ACO1: variants seen among roughly 807,000 people sequenced by gnomAD.
ACO1 encodes the protein cytoplasmic aconitate hydratase.
A neutral mutation model predicts 105.1 loss-of-function variants in ACO1; 78 were observed. The observed-to-expected ratio is 0.74, with a 90% CI of 0.62 to 0.90. The LOEUF (loss-of-function observed/expected upper bound fraction) is 0.90. Among genes scored for constraint, ACO1 ranks in the 40% least tolerant of loss-of-function variants. The probability of loss-of-function intolerance (pLI) is 0.00; values close to 1 mark genes in which losing one functional copy is unlikely to be tolerated. For synonymous variants in ACO1, 364 were observed against 397.4 expected (o/e 0.92, Z 1.00); for missense variants, 965 against 1,111.1 (o/e 0.87, Z 1.87).
intron 3 of ACO1, among the ~76,000 whole-genome samples, chr9:32,408,090 A>G (rs1821653902): frequency 6.6e-6 from 1 of 152,228 alleles, no homozygotes; most frequent in African/African-American, 2.4e-5. Flanking sequence ...ATTCACAGCC[A>G]ACTTTTCTGA....
At chr9:32,449,411 C>T (rs987205207) in intron 20 of ACO1, among the ~76,000 whole-genome samples, 3 of 152,120 alleles carry the variant, frequency 2.0e-5, no homozygotes, top group Non-Finnish European at 4.4e-5. Context: ...ACTATAAAAA[C>T]GTGAGCAACA....
At chr9:32,445,480 G>T in intron 19 of ACO1, 1 of 179,144 alleles carries the variant, frequency 5.6e-6, no homozygotes, top group Non-Finnish European at 1.2e-5. Flanking sequence ...ATTTTTTATT[G>T]CCTCTATTTG....
rs764508082 is a variant in ACO1 at position 32,407,260 on chromosome 9, G to A, written c.98-1G>A. 2 of 1,613,744 alleles carry A rather than the reference G, an allele frequency of 1.2e-6. No homozygotes were observed. Among genetic ancestry groups the A allele is most frequent in the African/African-American group, 2.7e-5 (2 of 74,868 alleles). On this transcript the variant is annotated splice_acceptor_variant, in intron 2 of 20. Transcript: ENST00000309951. LOFTEE classifies it high-confidence loss of function. Reference sequence around the variant, plus strand: ...TTTATTTTGTCATCCTTAACTCTTAGGGCGCTTACCATTTTCGATCAGAGT... The same window carrying A: ...TTTATTTTGTCATCCTTAACTCTTAAGGCGCTTACCATTTTCGATCAGAGT...
At position 32,386,796 on chromosome 9, in the gene ACO1, T is replaced by C. The variant is rs149841116; in HGVS notation, c.-23+2061T>C. On this transcript the variant is annotated intron_variant, in intron 1 of 20. Transcript: ENST00000309951. The stretch of plus-strand genomic sequence containing the variant: ...GGGTCTCATTCCTTCATTCTTTCAG[T>C]AGATTTTTATTGGCCACCTATTTCT... Among the ~76,000 whole-genome samples the C allele has an allele frequency of 3.3e-3, 510 of 152,268 alleles. 1 individual carries two copies. The highest frequency in any genetic ancestry group is 6.6e-3 in the South Asian group (32 of 4,822).
chr9:32,424,911 A>C (rs1436260002), intron 10 of ACO1, among the ~76,000 whole-genome samples: 2 of 125,382 alleles, frequency 1.6e-5, no homozygotes, highest in African/African-American at 6.2e-5. Context: ...CCCTCACCAC[A>C]CTGTTTACTC....
intron 9 of ACO1, among the ~76,000 whole-genome samples, chr9:32,424,228 T>C (rs1409692028): frequency 2.0e-5 from 3 of 152,168 alleles, no homozygotes; most frequent in African/African-American, 7.2e-5. Flanking sequence ...AACTTAGCCA[T>C]ATAAAACGCG....
chr9:32,407,853 A>T (rs547913241), intron 3 of ACO1, among the ~76,000 whole-genome samples: 1 of 152,236 alleles, frequency 6.6e-6, no homozygotes, highest in Non-Finnish European at 1.5e-5. Context: ...GAGATGATGT[A>T]GCTCACATCA....
chr9:32,435,917 C>T (rs1822345620), intron 17 of ACO1: 1 of 417,768 alleles, frequency 2.4e-6, no homozygotes, highest in African/African-American at 2.1e-5. Context: ...TTTAATTTAG[C>T]TCTTTATCTT....
intron 4 of ACO1, among the ~76,000 whole-genome samples, chr9:32,416,696 C>T: frequency 6.6e-6 from 1 of 152,162 alleles, no homozygotes; most frequent in South Asian, 2.1e-4. Flanking sequence ...CAGCATGTAG[C>T]ATGTGGCAGG....
intron 1 of ACO1, among the ~76,000 whole-genome samples, chr9:32,399,964 C>CTTTTT (rs1300474052): frequency 2.4e-4 from 10 of 42,424 alleles, no homozygotes; most frequent in African/African-American, 6.3e-4. Flanking sequence ...TTTTCTTTTT[C>CTTTTT]TGTTTTTTTT....
intron 18 of ACO1, among the ~76,000 whole-genome samples, chr9:32,438,459 A>C (rs1822409039): frequency 6.6e-6 from 1 of 152,206 alleles, no homozygotes; most frequent in African/African-American, 2.4e-5. Context: ...GAGAGCAAGC[A>C]GTCAGCCCAA....
chr9:32,386,184 C>T (rs1821152863), intron 1 of ACO1, among the ~76,000 whole-genome samples: 2 of 152,146 alleles, frequency 1.3e-5, no homozygotes, highest in African/African-American at 2.4e-5. Flanking sequence ...GGAGACCATG[C>T]CAAGTGTGTA....
intron 17 of ACO1, among the ~76,000 whole-genome samples, chr9:32,435,074 G>A (rs951947752): frequency 3.3e-5 from 5 of 152,144 alleles, no homozygotes; most frequent in Non-Finnish European, 7.3e-5. Context: ...GAAACCTAAC[G>A]TTTACAGAGC....
intron 19 of ACO1, among the ~76,000 whole-genome samples, chr9:32,444,734 A>G (rs954071693): frequency 1.3e-5 from 2 of 152,178 alleles, no homozygotes; most frequent in African/African-American, 2.4e-5. Flanking sequence ...CCCATTCAGT[A>G]TGATATTGAC....
intron 4 of ACO1, among the ~76,000 whole-genome samples, chr9:32,414,569 C>T (rs1002293422): frequency 4.6e-5 from 7 of 152,188 alleles, no homozygotes; most frequent in African/African-American, 1.7e-4. Flanking sequence ...GAACATGTCA[C>T]TTCCATCAAA....
chr9:32,399,350 C>T (rs1183071221), intron 1 of ACO1, among the ~76,000 whole-genome samples: 2 of 152,202 alleles, frequency 1.3e-5, no homozygotes, highest in Admixed American at 1.3e-4. Flanking sequence ...GAAAGTTACT[C>T]AATTTAACTA....
chr9:32,441,543 G>A (rs1157740252), intron 19 of ACO1, among the ~76,000 whole-genome samples: 1 of 152,188 alleles, frequency 6.6e-6, no homozygotes, highest in Non-Finnish European at 1.5e-5. Context: ...TTGCTCTGAG[G>A]AAAATAGAAA....
At chr9:32,406,097 CAA>C (rs902418096) in intron 2 of ACO1, among the ~76,000 whole-genome samples, 3 of 152,040 alleles carry the variant, frequency 2.0e-5, no homozygotes, top group Middle Eastern at 3.4e-3. Flanking sequence ...TATAAATAAA[CAA>C]AATCATTTTT....
chr9:32,395,924 A>T (rs1821363621), intron 1 of ACO1, among the ~76,000 whole-genome samples: 1 of 152,346 alleles, frequency 6.6e-6, no homozygotes, highest in African/African-American at 2.4e-5. Context: ...TGAGACTTGC[A>T]TGTGATGTTC....
Sources: allele counts gnomAD v4.1 joint callset (sites outside exome capture counted in the v4.1 genomes callset), GRCh38; gene constraint gnomAD v4.1.1; transcripts MANE v1.5; gene names NCBI Gene and HGNC (gene_info 2026-07-23, HGNC 2026-07-21).